SLC23A2: variants seen among roughly 807,000 people sequenced by gnomAD.
SLC23A2 encodes Na(+)/L-ascorbic acid transporter 2.
A neutral mutation model predicts 73.3 loss-of-function variants in SLC23A2; 36 were observed. The ratio of observed to expected loss-of-function variants is 0.49; its 90% CI spans 0.38 to 0.65. SLC23A2 has a LOEUF of 0.65. Among genes scored for constraint, SLC23A2 ranks in the 30% least tolerant of loss-of-function variants. SLC23A2 has a pLI of 0.00. For synonymous variants in SLC23A2, 343 were observed against 327.3 expected (o/e 1.05, Z -0.52); for missense variants, 507 against 841.6 (o/e 0.60, Z 4.92).
intron 2 of SLC23A2, among the ~76,000 whole-genome samples, chr20:4,967,529 A>G (rs1382959599): frequency 1.3e-5 from 2 of 152,180 alleles, no homozygotes; most frequent in East Asian, 3.8e-4. Flanking sequence ...TTGTGAAACC[A>G]CCCAATTTCT....
At chr20:4,927,875 A>T (rs1363686732) in intron 3 of SLC23A2, among the ~76,000 whole-genome samples, 1 of 152,026 alleles carries the variant, frequency 6.6e-6, no homozygotes, top group East Asian at 1.9e-4. Flanking sequence ...CCCCCACACT[A>T]ATCCCATCCA....
At chr20:4,958,032 A>T (rs973683026) in intron 2 of SLC23A2, among the ~76,000 whole-genome samples, 4 of 152,212 alleles carry the variant, frequency 2.6e-5, no homozygotes, top group African/African-American at 9.6e-5. Context: ...CACATACCAC[A>T]ATTCCAGCAA....
At chr20:4,968,607 G>T (rs1340546987) in intron 2 of SLC23A2, among the ~76,000 whole-genome samples, 1 of 152,152 alleles carries the variant, frequency 6.6e-6, no homozygotes, top group East Asian at 1.9e-4. Flanking sequence ...TGATTTCAAA[G>T]AAAGACCTGG....
At chr20:4,874,828 C>T (rs1930592344) in intron 9 of SLC23A2, 132 bp from the exon 10 acceptor site, 1 of 648,858 alleles carries the variant, frequency 1.5e-6, no homozygotes, top group African/African-American at 1.8e-5. Context: ...GTCCTCTGAA[C>T]TACCATTTGA....
intron 1 of SLC23A2, among the ~76,000 whole-genome samples, 157 bp from the exon 2 acceptor site, chr20:4,971,076 CT>C (rs1401113565): frequency 1.3e-5 from 2 of 152,178 alleles, no homozygotes; most frequent in Non-Finnish European, 2.9e-5. Flanking sequence ...CCCAGCCTGT[CT>C]CTAGGCAGGG....
At chr20:4,989,716 C>A (rs1371880261) in intron 1 of SLC23A2, among the ~76,000 whole-genome samples, 1 of 151,992 alleles carries the variant, frequency 6.6e-6, no homozygotes, top group African/African-American at 2.4e-5. Flanking sequence ...TTGACTGCAA[C>A]CCATGACATG....
chr20:4,885,179 C>CA lies in SLC23A2; in HGVS notation c.572-357dup, dbSNP rs575068367. ...TGAGGTTTGAAAAACTTAGATAAAA[C>CA]AGAGGGCCTTTTCCAGTTCCCAGAT... On this transcript the variant is annotated intron_variant, in intron 7 of 16. Coordinates refer to ENST00000338244, the MANE Select transcript of SLC23A2 (RefSeq NM_005116.6). Among the ~76,000 whole-genome samples the CA allele has an allele frequency of 1.1e-4, 16 of 152,310 alleles. No homozygotes were observed. The East Asian group carries it at 2.3e-3, about 22-fold the overall frequency.
chr20:4,967,747 T>C (rs1160641551), intron 2 of SLC23A2, among the ~76,000 whole-genome samples: 3 of 152,204 alleles, frequency 2.0e-5, no homozygotes, highest in Admixed American at 1.3e-4. Flanking sequence ...TCCAAGTGTT[T>C]GATCCAGTTT....
intron 6 of SLC23A2, among the ~76,000 whole-genome samples, chr20:4,897,624 T>C (rs1432831219): frequency 6.6e-6 from 1 of 152,192 alleles, no homozygotes; most frequent in East Asian, 1.9e-4. Context: ...TGAACCACGC[T>C]GACCCAGGTA....
intron 1 of SLC23A2, among the ~76,000 whole-genome samples, chr20:4,994,904 A>T (rs1243207528): frequency 2.0e-5 from 3 of 152,042 alleles, no homozygotes; most frequent in Admixed American, 1.3e-4. Flanking sequence ...ATTGCACTCT[A>T]GCCTGGGCAA....
chr20:4,958,610 TA>T (rs2087329762), intron 2 of SLC23A2, among the ~76,000 whole-genome samples: 1 of 152,040 alleles, frequency 6.6e-6, no homozygotes, highest in Non-Finnish European at 1.5e-5. Context: ...GTATTTTTGG[TA>T]GAGATGAGGT....
chr20:4,859,209 C>T (rs1929857049), intron 16 of SLC23A2, 80 bp downstream of exon 16: 3 of 845,308 alleles, frequency 3.5e-6, no homozygotes, highest in Non-Finnish European at 5.9e-6. Flanking sequence ...TTCCCGTTTT[C>T]CATTTCTATT....
At chr20:4,993,238 C>G (rs570468398) in intron 1 of SLC23A2, among the ~76,000 whole-genome samples, 3 of 148,260 alleles carry the variant, frequency 2.0e-5, no homozygotes, top group African/African-American at 2.5e-5. Flanking sequence ...GAGCTGAGAT[C>G]GTGCCACTGC....
intron 9 of SLC23A2, 39 bp from the exon 10 acceptor site, chr20:4,874,735 T>C: frequency 6.5e-7 from 1 of 1,528,410 alleles, no homozygotes; most frequent in Non-Finnish European, 8.8e-7. Context: ...CAAAAGCTGT[T>C]ATGTCTCTGT....
chr20:4,903,162 T>G (rs1324795971), intron 4 of SLC23A2, among the ~76,000 whole-genome samples: 1 of 152,212 alleles, frequency 6.6e-6, no homozygotes, highest in Non-Finnish European at 1.5e-5. Flanking sequence ...GTATTCATAG[T>G]TTAGGTGACA....
chr20:4,951,066 T>C (rs899013033), intron 2 of SLC23A2, among the ~76,000 whole-genome samples: 1 of 151,970 alleles, frequency 6.6e-6, no homozygotes, highest in African/African-American at 2.4e-5. Flanking sequence ...ACCCATCAGG[T>C]CAACACGCCT....
Position 4,912,876 on chromosome 20 carries a change from G to C in SLC23A2, c.207+4C>G, listed in dbSNP as rs1329123252. 4.4e-6 allele frequency: 7 copies of C among 1,590,052 alleles called. No individual in the cohort carries two copies. The South Asian group carries it at 6.6e-5, about 15-fold the overall frequency. Reference sequence around the variant, plus strand: ...GTGGGGACACGGGGTGACGGAAGGGGTACCTTTTCTGCAATGCCGTTTTCC... The same window carrying C: ...GTGGGGACACGGGGTGACGGAAGGGCTACCTTTTCTGCAATGCCGTTTTCC... On this transcript the variant is annotated splice_donor_region_variant and intron_variant, in intron 4 of 16. Coordinates refer to ENST00000338244, the MANE Select transcript of SLC23A2 (RefSeq NM_005116.6).
At chr20:4,931,975 G>A (rs1600145631) in intron 3 of SLC23A2, among the ~76,000 whole-genome samples, 1 of 152,150 alleles carries the variant, frequency 6.6e-6, no homozygotes, top group Non-Finnish European at 1.5e-5. Flanking sequence ...GAATATAAAT[G>A]AATGTGTGTA....
chr20:4,925,644 G>A (rs977225338), intron 3 of SLC23A2, among the ~76,000 whole-genome samples: 1 of 152,010 alleles, frequency 6.6e-6, no homozygotes, highest in African/African-American at 2.4e-5. Flanking sequence ...CCCACCGCAG[G>A]AATTTCCTAC....
Sources: allele counts gnomAD v4.1 joint callset (sites outside exome capture counted in the v4.1 genomes callset), GRCh38; gene constraint gnomAD v4.1.1; transcripts MANE v1.5; gene names NCBI Gene and HGNC (gene_info 2026-07-23, HGNC 2026-07-21).